The following NFATC3 variants were observed in gnomAD, a reference collection of about 807,000 sequenced individuals.
The protein encoded by NFATC3 is nuclear factor of activated T cells 3.
A neutral mutation model predicts 98.6 loss-of-function variants in NFATC3; 46 were observed. The ratio of observed to expected loss-of-function variants is 0.47; its 90% CI spans 0.37 to 0.60. NFATC3 has a LOEUF of 0.60. Among genes scored for constraint, NFATC3 ranks in the 20% least tolerant of loss-of-function variants. The pLI, the probability that NFATC3 is intolerant of heterozygous loss-of-function variation, is 0.00. For synonymous variants in NFATC3, 512 were observed against 472.2 expected (o/e 1.08, Z -1.09); for missense variants, 1,256 against 1,295.5 (o/e 0.97, Z 0.47).
At chr16:68,185,266 C>G (rs2040136380) in intron 8 of NFATC3, among the ~76,000 whole-genome samples, 1 of 152,086 alleles carries the variant, frequency 6.6e-6, no homozygotes, top group South Asian at 2.1e-4. Flanking sequence ...TGTGAGCCAC[C>G]GCGCCTGGCC....
At chr16:68,183,491 GC>G in intron 8 of NFATC3, 125 bp downstream of exon 8, 1 of 983,370 alleles carries the variant, frequency 1.0e-6, no homozygotes, top group Non-Finnish European at 1.5e-6. Context: ...ACCAACAGAT[GC>G]CCACTCTAAA....
At position 68,139,798 on chromosome 16, in the gene NFATC3, A is replaced by G. The variant is rs1328100337; in HGVS notation, c.1401+13188A>G. Among the ~76,000 whole-genome samples the G allele has an allele frequency of 2.6e-5, 4 of 152,180 alleles. No homozygotes were observed. In the East Asian group the frequency reaches 7.7e-4, roughly 29 times the overall value. On this transcript the variant is annotated intron_variant, in intron 3 of 9. Transcript: ENST00000346183. ...CTGGGGGTTCACTGAGGGAAATCAGACATGTTGACTACTCCCATGAACTTT... is the reference window on the plus strand; with the variant it reads ...CTGGGGGTTCACTGAGGGAAATCAGGCATGTTGACTACTCCCATGAACTTT...
rs397955987 is a variant in NFATC3, at chr16:68,226,897, C to CAAAAAAAAAAAAAAAAAAA, written c.*434_*452dup. On this transcript the variant is annotated 3_prime_UTR_variant, in exon 10 of 10. Coordinates refer to ENST00000346183, the MANE Select transcript of NFATC3 (RefSeq NM_173165.3). ...AACTTTTGATAAGACCTTCTAGAAGCAAAAAAAAAAAAAAAAAAAAAAAAA... is the reference window on the plus strand; with the variant it reads ...AACTTTTGATAAGACCTTCTAGAAGCAAAAAAAAAAAAAAAAAAAAAAAAAAAAAAAAAAAAAAAAAAAA... 3.8e-3 allele frequency: 116 copies of CAAAAAAAAAAAAAAAAAAA among 30,330 alleles called. 3 individuals carry two copies. Among genetic ancestry groups the CAAAAAAAAAAAAAAAAAAA allele is most frequent in the East Asian group, 9.4e-3 (6 of 636 alleles). 1.9% of individuals were successfully genotyped at this position (30,330 alleles called of 1,614,324 possible). A position where few individuals can be genotyped will look rare whatever the true frequency, so the allele number is the denominator to read the frequency against.
At chr16:68,151,740 C>G (rs1478016230) in intron 3 of NFATC3, among the ~76,000 whole-genome samples, 2 of 152,184 alleles carry the variant, frequency 1.3e-5, no homozygotes, top group Non-Finnish European at 2.9e-5. Flanking sequence ...CACCACCACC[C>G]TCCCCTGCAG....
intron 5 of NFATC3, among the ~76,000 whole-genome samples, chr16:68,169,668 C>G (rs112094215): frequency 0.04 from 6,117 of 152,118 alleles, 373 homozygotes; most frequent in African/African-American, 0.13. Context: ...TGGCCAGGCG[C>G]CGTGGCTCAT....
intron 3 of NFATC3, among the ~76,000 whole-genome samples, chr16:68,153,515 C>T (rs2038451662): frequency 6.6e-6 from 1 of 152,222 alleles, no homozygotes; most frequent in African/African-American, 2.4e-5. Flanking sequence ...TGTAGCCTCA[C>T]ATTTCCATAT....
Position 68,122,599 on chromosome 16 carries a change from A to G in NFATC3, c.716A>G (p.Gln239Arg). The G allele has an allele frequency of 1.2e-6, 2 of 1,614,044 alleles. No individual in the cohort carries two copies. Among genetic ancestry groups the G allele is most frequent in the Non-Finnish European group, 1.7e-6 (2 of 1,180,018 alleles). The change falls in exon 2 of 10, where the codon CAA (glutamine) becomes CGA (arginine). Residue 239 changes from glutamine (Q) to arginine (R), a missense_variant. This residue lies in a region of NFATC3 where 464 missense variants were observed against 465.7 expected (regional missense o/e 1.00). Coordinates refer to ENST00000346183, the MANE Select transcript of NFATC3 (RefSeq NM_173165.3). ...CTTGGACACTCATTATCACCCAGGC[A>G]ATCTCCTTGCCACTCTCCTAGATCC... Reference protein sequence around the residue: ...YGLGHSLSPRQSPCHSPRSSV... With the variant: ...YGLGHSLSPRRSPCHSPRSSV...
At chr16:68,088,226 C>G (rs1369036359) in intron 1 of NFATC3, among the ~76,000 whole-genome samples, 1 of 151,240 alleles carries the variant, frequency 6.6e-6, no homozygotes, top group African/African-American at 2.4e-5. Flanking sequence ...CTCTTCCTCA[C>G]TGGAATGGAA....
chr16:68,210,529 GT>G (rs1567551526), intron 9 of NFATC3, among the ~76,000 whole-genome samples: 1 of 151,952 alleles, frequency 6.6e-6, no homozygotes, highest in African/African-American at 2.4e-5. Flanking sequence ...TGATCATGTG[GT>G]TTTTAAATTA....
In NFATC3 at chr16:68,105,326, A is replaced by G. The variant is rs150241850; in HGVS notation, c.104-16661A>G. Reference sequence around the variant, plus strand: ...GGCTGGTCTCGAACTCCTGACCTCAAGTGATCCACGTGCCTCAGCCTCCCA... The same window carrying G: ...GGCTGGTCTCGAACTCCTGACCTCAGGTGATCCACGTGCCTCAGCCTCCCA... On this transcript the variant is annotated intron_variant, in intron 1 of 9. Transcript: ENST00000346183. Among the ~76,000 whole-genome samples the G allele has an allele frequency of 5.7e-3, 863 of 152,068 alleles. 8 individuals are homozygous for G. The highest frequency in any genetic ancestry group is 0.019 in the African/African-American group (795 of 41,486).
intron 3 of NFATC3, among the ~76,000 whole-genome samples, chr16:68,155,180 A>AG (rs1446816858): frequency 6.6e-6 from 1 of 152,224 alleles, no homozygotes; most frequent in African/African-American, 2.4e-5. Context: ...TGTAAAGCCA[A>AG]GGCTGGACAA....
intron 9 of NFATC3, among the ~76,000 whole-genome samples, chr16:68,220,764 A>T (rs1281871424): frequency 6.6e-6 from 1 of 151,466 alleles, no homozygotes; most frequent in Non-Finnish European, 1.5e-5. Context: ...ATACAAAAAA[A>T]AAAAAATAGC....
At chr16:68,115,384 T>C (rs2036220433) in intron 1 of NFATC3, among the ~76,000 whole-genome samples, 2 of 152,188 alleles carry the variant, frequency 1.3e-5, no homozygotes, top group African/African-American at 4.8e-5. Context: ...TTTCTTTACT[T>C]TGCTAGCAAA....
chr16:68,135,678 AAG>A (rs934450248), intron 3 of NFATC3, among the ~76,000 whole-genome samples: 9 of 152,158 alleles, frequency 5.9e-5, no homozygotes, highest in African/African-American at 2.2e-4. Flanking sequence ...CTAGAATTGG[AAG>A]AGACTTTTGT....
intron 1 of NFATC3, among the ~76,000 whole-genome samples, chr16:68,103,982 T>G (rs759051145): frequency 2.6e-5 from 4 of 152,216 alleles, no homozygotes; most frequent in African/African-American, 4.8e-5. Context: ...TCCTACTTTG[T>G]TTTCTTTTTC....
At chr16:68,181,032 G>A (rs1324932001) in intron 6 of NFATC3, among the ~76,000 whole-genome samples, 2 of 152,226 alleles carry the variant, frequency 1.3e-5, no homozygotes, top group African/African-American at 4.8e-5. Context: ...CAATGGGATG[G>A]TTGGGTCAAA....
intron 3 of NFATC3, among the ~76,000 whole-genome samples, chr16:68,148,951 G>A (rs2151556588): frequency 6.6e-6 from 1 of 152,220 alleles, no homozygotes. Context: ...GGAGGTTGCA[G>A]CACCACTGCA....
At chr16:68,135,791 G>A (rs140979755) in intron 3 of NFATC3, among the ~76,000 whole-genome samples, 16,401 of 152,026 alleles carry the variant, frequency 0.11, 991 homozygotes, top group South Asian at 0.19. Flanking sequence ...GGCTGGGTGC[G>A]GTGGCTCACG....
At chr16:68,130,198 T>C (rs2037045354) in intron 3 of NFATC3, among the ~76,000 whole-genome samples, 1 of 152,214 alleles carries the variant, frequency 6.6e-6, no homozygotes, top group Admixed American at 6.5e-5. Context: ...CATATGGTAG[T>C]TCTGTTTTTA....
Sources: gnomAD v4.1 joint callset for allele counts (sites outside exome capture counted in the v4.1 genomes callset) on GRCh38, gnomAD v4.1.1 for gene constraint, gnomAD v4.1.1 regional missense constraint, MANE v1.5 for transcripts, NCBI Gene and HGNC (gene_info 2026-07-23, HGNC 2026-07-21) for gene names.